The following NUP85 variants were observed in gnomAD, a reference collection of about 807,000 sequenced individuals.
NUP85 encodes the protein nuclear pore complex protein Nup85.
Under a neutral mutation model 92.8 loss-of-function variants are expected in NUP85, and 23 were observed. That is an observed-to-expected ratio of 0.25 (90% CI 0.18 to 0.35). The LOEUF (loss-of-function observed/expected upper bound fraction) is 0.35, where lower values mean the gene tolerates loss of function less well. NUP85 is among the 10% of genes least tolerant of loss of function. NUP85 has a pLI of 1.00. For missense variants in NUP85, 759 were observed against 822.8 expected (o/e 0.92, Z 0.95); for synonymous variants, 314 against 306.9 (o/e 1.02, Z -0.24).
At chr17:75,210,496 T>C (rs2075223267) in intron 3 of NUP85, among the ~76,000 whole-genome samples, 1 of 152,182 alleles carries the variant, frequency 6.6e-6, no homozygotes, top group Admixed American at 6.5e-5. Flanking sequence ...AAAATCAAAA[T>C]CTCCGTGGTT....
intron 14 of NUP85, among the ~76,000 whole-genome samples, chr17:75,232,564 A>G (rs73354498): frequency 0.061 from 9,235 of 152,180 alleles, 754 homozygotes; most frequent in African/African-American, 0.17. Flanking sequence ...ACACGTAGGG[A>G]GAAAAAAAAT....
At chr17:75,235,027 A>T in intron 17 of NUP85, 73 bp from the exon 18 acceptor site, 1 of 1,271,116 alleles carries the variant, frequency 7.9e-7, no homozygotes, top group Non-Finnish European at 1.1e-6. Context: ...AGAACGTCCG[A>T]ACATGGGCCC....
intron 16 of NUP85, among the ~76,000 whole-genome samples, chr17:75,234,093 C>T (rs376988117): frequency 6.0e-5 from 9 of 150,488 alleles, no homozygotes; most frequent in South Asian, 4.2e-4. Context: ...ACTCTGTCGC[C>T]CACGCTGGAG....
At chr17:75,215,312 T>C (rs2075397097) in intron 5 of NUP85, among the ~76,000 whole-genome samples, 1 of 152,178 alleles carries the variant, frequency 6.6e-6, no homozygotes, top group African/African-American at 2.4e-5. Flanking sequence ...TGGGCTCAAG[T>C]GATGCTCCCA....
chr17:75,231,520 G>A lies in NUP85; in HGVS notation c.1179-53G>A. ...CTGAAAGGGAGGTTGGGCTAAGGGGGCCCTGAACAGGGCAGGCCAGGAGTC... is the reference window on the plus strand; with the variant it reads ...CTGAAAGGGAGGTTGGGCTAAGGGGACCCTGAACAGGGCAGGCCAGGAGTC... On this transcript the variant is annotated intron_variant, in intron 12 of 18. Coordinates refer to ENST00000245544, the MANE Select transcript of NUP85 (RefSeq NM_024844.5). The surrounding 1 kb of genome is among the most constrained non-coding windows in gnomAD (Gnocchi z 4.6). 1.2e-6 allele frequency: 2 copies of A among 1,610,754 alleles called. No individual in the cohort carries two copies. The highest frequency in any genetic ancestry group is 1.3e-5 in the African/African-American group (1 of 74,980).
chr17:75,208,174 G>A (rs1321803728), intron 1 of NUP85: 7 of 208,032 alleles, frequency 3.4e-5, no homozygotes, highest in Non-Finnish European at 6.6e-5. Context: ...GGTGGCTCGC[G>A]CCTGTAGTCC....
At position 75,225,832 on chromosome 17, in the gene NUP85, G is replaced by A. The variant is rs1376420104; in HGVS notation, c.987+3G>A. 1 of 1,613,470 alleles carries A rather than the reference G, an allele frequency of 6.2e-7. No homozygotes were observed. Among genetic ancestry groups the A allele is most frequent in the African/African-American group, 1.3e-5 (1 of 75,040 alleles). ...TTGATCTGCACTACTATGCCCAGGTGAGTGAGCTCGGGGTGGGCAAGGGTG... is the reference window on the plus strand; with the variant it reads ...TTGATCTGCACTACTATGCCCAGGTAAGTGAGCTCGGGGTGGGCAAGGGTG... On this transcript the variant is annotated splice_donor_region_variant and intron_variant, in intron 10 of 18. Coordinates refer to ENST00000245544, the MANE Select transcript of NUP85 (RefSeq NM_024844.5).
At chr17:75,218,667 G>A (rs1271979494) in intron 7 of NUP85, among the ~76,000 whole-genome samples, 3 of 131,628 alleles carry the variant, frequency 2.3e-5, no homozygotes, top group Admixed American at 9.7e-5. Flanking sequence ...AGCACTTTGG[G>A]AGGCCAAGTC....
chr17:75,218,391 C>T (rs2075494622), intron 7 of NUP85, 85 bp downstream of exon 7: 1 of 1,556,000 alleles, frequency 6.4e-7, no homozygotes, highest in South Asian at 1.1e-5. Flanking sequence ...CCCACTGAGC[C>T]TCCAGCAGTA....
In NUP85 at chr17:75,215,832, G is replaced by C; in HGVS notation, c.475+9G>C. The C allele has an allele frequency of 1.2e-6, 2 of 1,611,574 alleles. No homozygotes were observed. The highest frequency in any genetic ancestry group is 1.7e-6 in the Non-Finnish European group (2 of 1,177,672). On this transcript the variant is annotated intron_variant, in intron 6 of 18. Transcript: ENST00000245544. ...TATTGAAGTGGCCCCAGGTAGGCAT[G>C]GAATATCTCACCATAATCTCATAGG...
chr17:75,208,395 A>G (rs2075153016), intron 1 of NUP85, 132 bp from the exon 2 acceptor site: 1 of 671,322 alleles, frequency 1.5e-6, no homozygotes, highest in Non-Finnish European at 2.6e-6. Context: ...GAGCAAGCTG[A>G]GATTACACCA....
At chr17:75,224,344 C>T (rs1211504395) in intron 7 of NUP85, among the ~76,000 whole-genome samples, 1 of 151,924 alleles carries the variant, frequency 6.6e-6, no homozygotes, top group Non-Finnish European at 1.5e-5. Flanking sequence ...CACGCCCAGC[C>T]CTGTATTACC....
chr17:75,232,179 C>G, intron 14 of NUP85, 200 bp downstream of exon 14: 8 of 606,210 alleles, frequency 1.3e-5, no homozygotes, highest in Admixed American at 3.0e-5. Context: ...CACTGGAACC[C>G]AGACAAAATC....
In NUP85 at chr17:75,231,804, T is replaced by C. The variant is rs777126433; in HGVS notation, c.1245-24T>C. 1 of 1,613,610 alleles carries C rather than the reference T, an allele frequency of 6.2e-7. No homozygotes were observed. The highest frequency in any genetic ancestry group is 8.5e-7 in the Non-Finnish European group (1 of 1,179,814). ...CGGAGCCATGAGGCAGCACCTCATG[T>C]CTGTCCTCCTCGAACCTTTGCAGCC... On this transcript the variant is annotated intron_variant, in intron 13 of 18. Coordinates refer to ENST00000245544, the MANE Select transcript of NUP85 (RefSeq NM_024844.5). This position sits in a 1 kb window ranked among gnomAD's most constrained non-coding sequence, Gnocchi z 4.6.
intron 10 of NUP85, 34 bp from the exon 11 acceptor site, chr17:75,226,017 C>T: frequency 6.2e-7 from 1 of 1,611,526 alleles, no homozygotes; most frequent in South Asian, 1.1e-5. Flanking sequence ...CTGCTTCCGT[C>T]CTCAGGATTG....
At chr17:75,205,892 C>T (rs1422449586) in intron 1 of NUP85, 98 bp downstream of exon 1, 2 of 1,372,110 alleles carry the variant, frequency 1.5e-6, no homozygotes, top group East Asian at 2.4e-5. Flanking sequence ...GGTCGCGAGG[C>T]GCTCGTCCCC....
chr17:75,222,485 T>C (rs946421358), intron 7 of NUP85, among the ~76,000 whole-genome samples: 2 of 143,522 alleles, frequency 1.4e-5, no homozygotes, highest in Non-Finnish European at 1.5e-5. Context: ...TATATGTTTA[T>C]ATATTTGTGA....
At chr17:75,225,530 C>T in intron 9 of NUP85, 66 bp downstream of exon 9, 1 of 1,588,390 alleles carries the variant, frequency 6.3e-7, no homozygotes, top group Non-Finnish European at 8.6e-7. Flanking sequence ...TCCAGTGCAG[C>T]AGTGGCAGGA....
At position 75,208,179 on chromosome 17, in the gene NUP85, T is replaced by C. The variant is rs563262326; in HGVS notation, c.34-348T>C. On this transcript the variant is annotated intron_variant, in intron 1 of 18. Transcript: ENST00000245544. ...GGGCGGGCACGGTGGCTCGCGCCTG[T>C]AGTCCTAGCACTTTGGGAGGCTGAG... 2.0e-3 allele frequency: 450 copies of C among 220,616 alleles called. 1 individual carries two copies. The highest frequency in any genetic ancestry group is 0.02 in the South Asian group (186 of 9,268). The allele number at this position is 220,616 out of a possible 1,614,324, so 13.7% of individuals were successfully genotyped here.
Sources: gnomAD v4.1 joint callset for allele counts (sites outside exome capture counted in the v4.1 genomes callset) on GRCh38, gnomAD v4.1.1 for gene constraint, Gnocchi (gnomAD v3.1) non-coding constraint, MANE v1.5 for transcripts, NCBI Gene and HGNC (gene_info 2026-07-23, HGNC 2026-07-21) for gene names.